The following SLC2A12 variants were observed in gnomAD, a reference collection of about 807,000 sequenced individuals.
SLC2A12 encodes solute carrier family 2 member 12.
Under a neutral mutation model 41.8 loss-of-function variants are expected in SLC2A12, and 23 were observed. The ratio of observed to expected loss-of-function variants is 0.55; its 90% CI spans 0.40 to 0.78. The LOEUF is 0.78. Ranked by LOEUF, SLC2A12 falls within the 30% of genes least tolerant of loss-of-function variation. SLC2A12 has a pLI of 0.00. For missense variants in SLC2A12, 654 were observed against 745.6 expected (o/e 0.88, Z 1.43); for synonymous variants, 295 against 285.9 (o/e 1.03, Z -0.32).
chr6:134,052,250 TACAC>T (rs55702666), intron 1 of SLC2A12, 124 bp downstream of exon 1: 21,561 of 369,924 alleles, frequency 0.058, 419 homozygotes, highest in African/African-American at 0.13. Context: ...CGCGCGCGCA[TACAC>T]ACACACACAC....
Position 134,028,738 on chromosome 6 carries a change from T to G in SLC2A12, c.1087A>C (p.Ile363Leu), listed in dbSNP as rs376594692. The change falls in exon 2 of 5, where the codon ATC becomes CTC. Residue 363 changes from isoleucine to leucine, a missense_variant. Coordinates refer to ENST00000275230, the MANE Select transcript of SLC2A12 (RefSeq NM_145176.3). ...VMAASLVTMG[I>L]VNLNIHMNFT... ...TTCATGTGGATGTTGAGATTTACGA[T>G]GCCCATGGTCACCAACGAAGCTGCC... The G allele has an allele frequency of 1.2e-5, 19 of 1,614,054 alleles. No homozygotes were observed. The African/African-American group carries it at 2.1e-4, about 18-fold the overall frequency.
chr6:134,035,157 A>C (rs1420776008), intron 1 of SLC2A12, among the ~76,000 whole-genome samples: 3 of 58,644 alleles, frequency 5.1e-5, no homozygotes, highest in African/African-American at 2.0e-4. Flanking sequence ...CTGACAAAAA[A>C]AAAAAAAAAA....
intron 3 of SLC2A12, among the ~76,000 whole-genome samples, chr6:134,005,902 G>T (rs1776807220): frequency 6.6e-6 from 1 of 151,908 alleles, no homozygotes; most frequent in Non-Finnish European, 1.5e-5. Context: ...TAGGCGTGGT[G>T]GCTCGTGCCT....
intron 1 of SLC2A12, among the ~76,000 whole-genome samples, chr6:134,041,080 T>A (rs181520586): frequency 1.1e-4 from 17 of 152,314 alleles, no homozygotes; most frequent in African/African-American, 3.8e-4. Flanking sequence ...TTTCTTCCAC[T>A]TTTTGGTCCC....
intron 1 of SLC2A12, among the ~76,000 whole-genome samples, chr6:134,039,708 T>C (rs1777354398): frequency 6.6e-6 from 1 of 152,204 alleles, no homozygotes; most frequent in Non-Finnish European, 1.5e-5. Context: ...TGAATTCTAA[T>C]CCCGAATGTT....
In SLC2A12 at chr6:133,990,476, T is replaced by C. The variant is rs1336779364; in HGVS notation, c.*679A>G. Reference sequence around the variant, plus strand: ...TTTTAAAAATGGAAAAAAATGCTCATTTTTCTCAACTATTGTGGAATTATT... The same window carrying C: ...TTTTAAAAATGGAAAAAAATGCTCACTTTTCTCAACTATTGTGGAATTATT... On this transcript the variant is annotated 3_prime_UTR_variant, in exon 5 of 5. Transcript: ENST00000275230. 1 of 152,650 alleles carries C rather than the reference T, an allele frequency of 6.6e-6. No homozygotes were observed. The highest frequency in any genetic ancestry group is 2.4e-5 in the African/African-American group (1 of 41,464). 9.5% of individuals were successfully genotyped at this position (152,650 alleles called of 1,614,324 possible).
intron 2 of SLC2A12, among the ~76,000 whole-genome samples, chr6:134,018,931 GT>G (rs1163445298): frequency 2.0e-5 from 3 of 152,146 alleles, no homozygotes; most frequent in Non-Finnish European, 4.4e-5. Context: ...ACTCCAAGAT[GT>G]TTTCTGGCTG....
intron 3 of SLC2A12, among the ~76,000 whole-genome samples, chr6:134,005,093 T>C (rs189351054): frequency 6.6e-6 from 1 of 152,360 alleles, no homozygotes; most frequent in Non-Finnish European, 1.5e-5. Flanking sequence ...ACTTTCTTCA[T>C]GTTTACAAGT....
At chr6:134,024,786 A>G (rs1407991515) in intron 2 of SLC2A12, among the ~76,000 whole-genome samples, 1 of 152,232 alleles carries the variant, frequency 6.6e-6, no homozygotes, top group Non-Finnish European at 1.5e-5. Flanking sequence ...AAAACTATAG[A>G]CTTCAGGTGT....
intron 2 of SLC2A12, among the ~76,000 whole-genome samples, chr6:134,024,092 G>A (rs538549239): frequency 6.6e-6 from 1 of 152,332 alleles, no homozygotes; most frequent in African/African-American, 2.4e-5. Flanking sequence ...CCCCTTGTTG[G>A]AGTGAGGGCC....
Position 134,006,927 on chromosome 6 carries a change from C to T in SLC2A12, c.1452G>A (p.Trp484Ter). ...CAGGAAAGATCTCGCTGAGCACCAG[C>T]CAGGGCACTAGAAGAAAGGCAAGAG... Reference protein sequence around the residue: ...AFSIGLGPMPWLVLSEIFPGG... With the variant: ...AFSIGLGPMP The change falls in exon 3 of 5, where the codon TGG becomes TGA. Residue 484 changes from tryptophan to a stop codon, truncating the protein, a stop_gained. Transcript: ENST00000275230. LOFTEE classifies it high-confidence loss of function. The T allele has an allele frequency of 6.2e-7, 1 of 1,614,082 alleles. No homozygotes were observed. The highest frequency in any genetic ancestry group is 1.1e-5 in the South Asian group (1 of 91,068).
chr6:134,024,277 G>A (rs1383826965), intron 2 of SLC2A12, among the ~76,000 whole-genome samples: 1 of 152,168 alleles, frequency 6.6e-6, no homozygotes, highest in African/African-American at 2.4e-5. Context: ...TCAGTGAGTC[G>A]TCTCTGCTTC....
At chr6:133,996,216 A>C (rs1776684838) in intron 4 of SLC2A12, among the ~76,000 whole-genome samples, 1 of 152,254 alleles carries the variant, frequency 6.6e-6, no homozygotes, top group Non-Finnish European at 1.5e-5. Flanking sequence ...ATTAACTGCT[A>C]AAAGTGAAAA....
At position 134,002,112 on chromosome 6, in the gene SLC2A12, A is replaced by G. The variant is rs746108874; in HGVS notation, c.1585T>C (p.Trp529Arg). Residue 529 changes from tryptophan to arginine, a missense_variant, in exon 4 of 5, where the codon TGG (tryptophan) becomes CGG (arginine). Physicochemically the swap from Trp to Arg is moderately radical, Grantham distance 101. Transcript: ENST00000275230. ...ATGATTGTATATATAAAGCACACCCATGGCAGGCCAATAAGATCTATAAAG... is the reference window on the plus strand; with the variant it reads ...ATGATTGTATATATAAAGCACACCCGTGGCAGGCCAATAAGATCTATAAAG... ...LTVTDLIGLP[W>R]VCFIYTIMSL... 17 of 1,597,456 alleles carry G rather than the reference A, an allele frequency of 1.1e-5. No individual in the cohort carries two copies. The Admixed American group carries it at 2.4e-4, about 22-fold the overall frequency.
intron 4 of SLC2A12, among the ~76,000 whole-genome samples, chr6:133,995,436 CCT>C (rs1484324505): frequency 6.6e-6 from 1 of 151,960 alleles, no homozygotes; most frequent in African/African-American, 2.4e-5. Context: ...GAAGTTTCCC[CCT>C]GATTATGTCC....
At chr6:134,044,179 A>T (rs1400313483) in intron 1 of SLC2A12, among the ~76,000 whole-genome samples, 2 of 152,114 alleles carry the variant, frequency 1.3e-5, no homozygotes, top group African/African-American at 4.8e-5. Flanking sequence ...GCTATCATAG[A>T]TATTACACAT....
Position 134,028,965 on chromosome 6 carries a change from A to G in SLC2A12, c.860T>C (p.Phe287Ser), listed in dbSNP as rs1777155967. 6.2e-7 allele frequency: 1 copy of G among 1,614,228 alleles called. No individual in the cohort carries two copies. Among genetic ancestry groups the G allele is most frequent in the Non-Finnish European group, 8.5e-7 (1 of 1,180,042 alleles). ...TRIMIGLTLVFFVQITGQPNI... is the reference protein window; with the variant it reads ...TRIMIGLTLVSFVQITGQPNI... ...TGGTTGGCCAGTGATTTGTACAAAA[A>G]ATACTAGTGTTAGTCCTATCATTAT... is the stretch of plus-strand genomic sequence containing the variant. The change falls in exon 2 of 5, where the codon TTT (phenylalanine) becomes TCT (serine). Residue 287 changes from phenylalanine (F) to serine (S), a missense_variant. Phe to Ser is a radical substitution (Grantham distance 155). This residue lies in a region of SLC2A12 where 411 missense variants were observed against 412.1 expected (regional missense o/e 1.00). Coordinates refer to ENST00000275230, the MANE Select transcript of SLC2A12 (RefSeq NM_145176.3).
At chr6:134,051,836 T>C (rs1421076219) in intron 1 of SLC2A12, among the ~76,000 whole-genome samples, 2 of 152,178 alleles carry the variant, frequency 1.3e-5, no homozygotes, top group Non-Finnish European at 2.9e-5. Flanking sequence ...GTGCTGGGAA[T>C]TTAAAAAGGA....
In SLC2A12 at chr6:134,052,419, T is replaced by C. The variant is rs1773704197; in HGVS notation, c.62A>G (p.Glu21Gly). 6.2e-7 allele frequency: 1 copy of C among 1,613,220 alleles called. No individual in the cohort carries two copies. The highest frequency in any genetic ancestry group is 8.5e-7 in the Non-Finnish European group (1 of 1,179,996). Residue 21 changes from glutamate to glycine, a missense_variant, in exon 1 of 5, where the codon GAG becomes GGG. Glu to Gly is a moderately conservative substitution (Grantham distance 98). This residue lies in a region of SLC2A12 where 109 missense variants were observed against 153.0 expected (regional missense o/e 0.71). Coordinates refer to ENST00000275230, the MANE Select transcript of SLC2A12 (RefSeq NM_145176.3). ...SLLNQKGTAV[E>G]TEGSGSRHPP... ...ATGCCGGCTGCCGCTGCCCTCCGTC[T>C]CCACGGCTGTCCCCTTCTGGTTCAG...
Sources: gnomAD v4.1 joint callset for allele counts (sites outside exome capture counted in the v4.1 genomes callset) on GRCh38, gnomAD v4.1.1 for gene constraint, gnomAD v4.1.1 regional missense constraint, MANE v1.5 for transcripts, NCBI Gene and HGNC (gene_info 2026-07-23, HGNC 2026-07-21) for gene names.